The following SIPA1L2 variants were observed in gnomAD, a reference collection of about 807,000 sequenced individuals.
SIPA1L2 encodes signal-induced proliferation-associated 1-like protein 2.
A neutral mutation model predicts 163.9 loss-of-function variants in SIPA1L2; 56 were observed. The observed-to-expected ratio is 0.34, with a 90% CI of 0.28 to 0.43. The LOEUF is 0.43. SIPA1L2 is among the 20% of genes least tolerant of loss of function. The probability of loss-of-function intolerance (pLI) is 1.00; values close to 1 mark genes in which losing one functional copy is unlikely to be tolerated. For missense variants in SIPA1L2, 1,974 were observed against 2,193.5 expected, an observed-to-expected ratio of 0.90 and a Z score of 2.00; for synonymous variants, 877 against 865.7, an observed-to-expected ratio of 1.01 and a Z score of -0.23.
In SIPA1L2 at chr1:232,549,907, A is replaced by G. The variant is rs143460238; in HGVS notation, c.-270+24267T>C. Among the ~76,000 whole-genome samples, 291 of 152,350 alleles carry G rather than the reference A, an allele frequency of 1.9e-3. 1 individual carries two copies. The highest frequency in any genetic ancestry group is 6.5e-3 in the African/African-American group (271 of 41,588). ...GAATGGTGCTCTACAATCATTCTGAAGCCTGGTCACCCACGGGCAGAGACT... is the reference window on the plus strand; with the variant it reads ...GAATGGTGCTCTACAATCATTCTGAGGCCTGGTCACCCACGGGCAGAGACT... On this transcript the variant is annotated intron_variant, in intron 2 of 22. Coordinates refer to ENST00000674635, the MANE Select transcript of SIPA1L2 (RefSeq NM_020808.5).
At chr1:232,544,831 A>G (rs1366736798) in intron 2 of SIPA1L2, among the ~76,000 whole-genome samples, 2 of 152,236 alleles carry the variant, frequency 1.3e-5, no homozygotes, top group Non-Finnish European at 2.9e-5. Flanking sequence ...TCATTGTTAT[A>G]TCACAATCAA....
chr1:232,521,826 T>G (rs1667471777), intron 2 of SIPA1L2, among the ~76,000 whole-genome samples: 1 of 152,228 alleles, frequency 6.6e-6, no homozygotes, highest in Non-Finnish European at 1.5e-5. Flanking sequence ...TTTAATTTTA[T>G]ACATTCCCTT....
Position 232,442,016 on chromosome 1 carries a change from G to C in SIPA1L2, c.3438-148C>G, listed in dbSNP as rs1427160432. 5 of 639,928 alleles carry C rather than the reference G, an allele frequency of 7.8e-6. No individual in the cohort carries two copies. The East Asian group carries it at 1.4e-4, about 18-fold the overall frequency. The allele number at this position is 639,928 out of a possible 1,614,324, so 39.6% of individuals were successfully genotyped here. A position where few individuals can be genotyped will look rare whatever the true frequency, so the allele number is the denominator to read the frequency against. On this transcript the variant is annotated intron_variant, in intron 12 of 22. Coordinates refer to ENST00000674635, the MANE Select transcript of SIPA1L2 (RefSeq NM_020808.5). ...TGGCAAATGAAAATGCAAATTGTCA[G>C]CTCAGCCCCGCCAGAGAAGCTAAAA...
chr1:232,463,264 C>T (rs1664334306), intron 9 of SIPA1L2, among the ~76,000 whole-genome samples: 1 of 152,142 alleles, frequency 6.6e-6, no homozygotes, highest in South Asian at 2.1e-4. Flanking sequence ...CCTTTAGTTC[C>T]ACTTTCCACC....
chr1:232,401,744 T>C lies in SIPA1L2; in HGVS notation c.5022+648A>G, dbSNP rs114607239. On this transcript the variant is annotated intron_variant, in intron 22 of 22. Coordinates refer to ENST00000674635, the MANE Select transcript of SIPA1L2 (RefSeq NM_020808.5). ...CAACTGAATCCTTTCCTCAGCATTCTCACCAGCTACAATTTCTCCCTTCTT... is the reference window on the plus strand; with the variant it reads ...CAACTGAATCCTTTCCTCAGCATTCCCACCAGCTACAATTTCTCCCTTCTT... Among the ~76,000 whole-genome samples, 820 of 152,274 alleles carry C rather than the reference T, an allele frequency of 5.4e-3. 12 individuals are homozygous for C. Among genetic ancestry groups the C allele is most frequent in the African/African-American group, 0.018 (763 of 41,562 alleles).
intron 2 of SIPA1L2, among the ~76,000 whole-genome samples, chr1:232,540,004 G>A (rs988408334): frequency 1.3e-5 from 2 of 152,124 alleles, no homozygotes; most frequent in South Asian, 2.1e-4. Context: ...CTCCCAGCAA[G>A]TTAAAACTTC....
intron 2 of SIPA1L2, among the ~76,000 whole-genome samples, chr1:232,537,815 G>C (rs1274907439): frequency 6.6e-6 from 1 of 152,208 alleles, no homozygotes; most frequent in Non-Finnish European, 1.5e-5. Flanking sequence ...GTAAGGCTTA[G>C]AATAGTGCCT....
intron 1 of SIPA1L2, among the ~76,000 whole-genome samples, chr1:232,612,383 C>T (rs916228844): frequency 7.2e-5 from 11 of 152,306 alleles, no homozygotes; most frequent in South Asian, 2.1e-4. Context: ...TTGCACCGTT[C>T]GCCTGGAAAA....
At chr1:232,540,581 T>C (rs984024447) in intron 2 of SIPA1L2, among the ~76,000 whole-genome samples, 1 of 152,036 alleles carries the variant, frequency 6.6e-6, no homozygotes, top group Non-Finnish European at 1.5e-5. Context: ...ACCAGGGGTA[T>C]CTCTGGCAAT....
chr1:232,532,859 C>T (rs916276735), intron 2 of SIPA1L2, among the ~76,000 whole-genome samples: 1 of 152,174 alleles, frequency 6.6e-6, no homozygotes, highest in Non-Finnish European at 1.5e-5. Context: ...GAGATGCCTA[C>T]CTCTACTGCA....
chr1:232,428,411 C>T lies in SIPA1L2; in HGVS notation c.4410G>A (p.Lys1470=), dbSNP rs199945287. 4 of 1,469,690 alleles carry T rather than the reference C, an allele frequency of 2.7e-6. No homozygotes were observed. Among genetic ancestry groups the T allele is most frequent in the Non-Finnish European group, 3.6e-6 (4 of 1,107,434 alleles). The allele number at this position is 1,469,690 out of a possible 1,614,324, so 91.0% of individuals were successfully genotyped here. A position where few individuals can be genotyped will look rare whatever the true frequency, so the allele number is the denominator to read the frequency against. The change falls in exon 17 of 23, where the codon AAG becomes AAA. Residue 1470 remains lysine, a splice_region_variant and synonymous_variant. Transcript: ENST00000674635. The part of the protein sequence containing the change: ...DSPLVEEGRR[K]FSFYGNLSPR... ...CTTCAAAGCTCCCTAAGTCACTAAC[C>T]TTTCTTCGCCCCTCCTCCACTAAGG...
intron 18 of SIPA1L2, among the ~76,000 whole-genome samples, chr1:232,417,409 C>A (rs993012233): frequency 1.3e-5 from 2 of 152,148 alleles, no homozygotes; most frequent in African/African-American, 4.8e-5. Flanking sequence ...CTCCCTTCTC[C>A]ACATGCTCTT....
intron 2 of SIPA1L2, among the ~76,000 whole-genome samples, chr1:232,528,725 A>T (rs1667836995): frequency 6.6e-6 from 1 of 152,210 alleles, no homozygotes; most frequent in South Asian, 2.1e-4. Flanking sequence ...GGCTCCTGCT[A>T]GTTACCCATA....
intron 19 of SIPA1L2, among the ~76,000 whole-genome samples, chr1:232,412,047 G>A (rs1284932064): frequency 1.3e-5 from 2 of 152,112 alleles, no homozygotes; most frequent in Non-Finnish European, 2.9e-5. Flanking sequence ...GTCCTTGCAC[G>A]AATAGAGTTT....
At chr1:232,542,239 C>T (rs942650063) in intron 2 of SIPA1L2, among the ~76,000 whole-genome samples, 10 of 152,094 alleles carry the variant, frequency 6.6e-5, no homozygotes, top group African/African-American at 2.4e-4. Flanking sequence ...TTTAGTTAAT[C>T]CTCAATACAA....
intron 10 of SIPA1L2, among the ~76,000 whole-genome samples, chr1:232,447,789 C>A (rs1313307765): frequency 6.6e-6 from 1 of 152,290 alleles, no homozygotes; most frequent in Admixed American, 6.5e-5. Flanking sequence ...GAACCTTTAA[C>A]TAATATGCAT....
intron 1 of SIPA1L2, among the ~76,000 whole-genome samples, chr1:232,596,576 T>C (rs1661263996): frequency 6.6e-6 from 1 of 152,246 alleles, no homozygotes; most frequent in South Asian, 2.1e-4. Context: ...TCTTGTTTTA[T>C]CATTTTGTCA....
intron 9 of SIPA1L2, 65 bp downstream of exon 9, chr1:232,464,775 A>T: frequency 7.5e-7 from 1 of 1,330,272 alleles, no homozygotes; most frequent in Non-Finnish European, 1.0e-6. Context: ...TTCCCCAGTG[A>T]AAGTTATTTT....
chr1:232,439,452 G>C lies in SIPA1L2; in HGVS notation c.3687C>G (p.Leu1229=), dbSNP rs1364763347. ...CACTGTTGCTGGAGGTGTTGCTGGA[G>C]AGCGTGTTGCTGCTGGAGTGACTGG... ...SCSSHSSSNT[L]SSNTSSNSDD... Residue 1229 remains leucine (L), a synonymous_variant, in exon 15 of 23, where the codon CTC becomes CTG. Coordinates refer to ENST00000674635, the MANE Select transcript of SIPA1L2 (RefSeq NM_020808.5). 7 of 1,614,210 alleles carry C rather than the reference G, an allele frequency of 4.3e-6. No individual in the cohort carries two copies. In the East Asian group the frequency reaches 1.6e-4, roughly 36 times the overall value.
Sources: gnomAD v4.1 joint callset for allele counts (sites outside exome capture counted in the v4.1 genomes callset) on GRCh38, gnomAD v4.1.1 for gene constraint, MANE v1.5 for transcripts, NCBI Gene and HGNC (gene_info 2026-07-23, HGNC 2026-07-21) for gene names.